Variants in SND1 observed in about 807,000 individuals in gnomAD.
SND1 encodes staphylococcal nuclease and tudor domain containing 1, also known as staphylococcal nuclease domain-containing protein 1.
A neutral mutation model predicts 121.7 loss-of-function variants in SND1; 38 were observed. The observed-to-expected ratio is 0.31, with a 90% CI of 0.24 to 0.41. The LOEUF (loss-of-function observed/expected upper bound fraction) is 0.41. Ranked by LOEUF, SND1 falls within the 10% of genes least tolerant of loss-of-function variation. SND1 has a pLI of 1.00. For missense variants in SND1, 868 were observed against 1,184.6 expected (o/e 0.73, Z 3.92); for synonymous variants, 401 against 447.4 (o/e 0.90, Z 1.31).
intron 1 of SND1, among the ~76,000 whole-genome samples, chr7:127,671,753 C>G (rs1175123276): frequency 6.6e-6 from 1 of 152,160 alleles, no homozygotes; most frequent in East Asian, 1.9e-4. Context: ...AAGCCAATAG[C>G]ACTATAACTC....
At chr7:127,888,769 A>T (rs1191773312) in intron 13 of SND1, among the ~76,000 whole-genome samples, 2 of 152,052 alleles carry the variant, frequency 1.3e-5, no homozygotes, top group Non-Finnish European at 2.9e-5. Context: ...AAATATATCC[A>T]TTGTTTAAAC....
chr7:127,917,038 C>T (rs1184371980), intron 14 of SND1, among the ~76,000 whole-genome samples: 3 of 152,186 alleles, frequency 2.0e-5, no homozygotes, highest in African/African-American at 7.2e-5. Flanking sequence ...ATGTGAGATC[C>T]TTAACTGAAC....
chr7:127,656,460 T>C (rs1165691680), intron 1 of SND1, among the ~76,000 whole-genome samples: 1 of 151,960 alleles, frequency 6.6e-6, no homozygotes, highest in Non-Finnish European at 1.5e-5. Flanking sequence ...GTAGCTGGGA[T>C]TACAGGCGCG....
At chr7:128,035,333 C>T (rs893460438) in intron 16 of SND1, among the ~76,000 whole-genome samples, 2 of 152,322 alleles carry the variant, frequency 1.3e-5, no homozygotes, top group Non-Finnish European at 2.9e-5. Flanking sequence ...GTAGCCAAGT[C>T]TTGGAAATGG....
At chr7:127,744,856 T>C (rs1796949207) in intron 10 of SND1, among the ~76,000 whole-genome samples, 1 of 152,204 alleles carries the variant, frequency 6.6e-6, no homozygotes, top group African/African-American at 2.4e-5. Context: ...CCTGAATGTT[T>C]AGATTGCTGC....
intron 11 of SND1, among the ~76,000 whole-genome samples, chr7:127,829,027 A>T (rs1382638045): frequency 6.6e-6 from 1 of 152,186 alleles, no homozygotes; most frequent in Non-Finnish European, 1.5e-5. Context: ...ACCACAGGTG[A>T]TGCATCAGGG....
intron 15 of SND1, among the ~76,000 whole-genome samples, chr7:127,958,161 C>G (rs570904976): frequency 6.6e-6 from 1 of 152,296 alleles, no homozygotes; most frequent in South Asian, 2.1e-4. Flanking sequence ...ATAGGGCCAA[C>G]CCAGATCCAA....
Position 127,686,594 on chromosome 7 carries a change from C to T in SND1, c.79-19C>T. On this transcript the variant is annotated intron_variant, in intron 1 of 23. Coordinates refer to ENST00000354725, the MANE Select transcript of SND1 (RefSeq NM_014390.4). ...ACGGCCTCTGGACCATTCATTTTCT[C>T]TTTCTTCCCCCTACGTAGGTCCTCT... 6.2e-7 allele frequency: 1 copy of T among 1,609,728 alleles called. No individual in the cohort carries two copies. Among genetic ancestry groups the T allele is most frequent in the Non-Finnish European group, 8.5e-7 (1 of 1,176,958 alleles).
intron 11 of SND1, among the ~76,000 whole-genome samples, chr7:127,840,125 T>G (rs1313719355): frequency 6.6e-6 from 1 of 152,226 alleles, no homozygotes; most frequent in Non-Finnish European, 1.5e-5. Context: ...AGACATGGTC[T>G]CCCCACTCTT....
At chr7:127,758,786 GCT>G (rs1797244654) in intron 10 of SND1, among the ~76,000 whole-genome samples, 1 of 152,138 alleles carries the variant, frequency 6.6e-6, no homozygotes, top group Admixed American at 6.6e-5. Flanking sequence ...AGGCACGGTG[GCT>G]CATGCCTGTG....
In SND1 at chr7:128,015,747, T is replaced by C. The variant is rs1803211168; in HGVS notation, c.1779+24691T>C. 6.6e-6 allele frequency among the ~76,000 whole-genome samples: 1 copy of C among 152,148 alleles called. No individual in the cohort carries two copies. ...GCAGCCCCAGGACACCACTCTGCCT[T>C]TCCCCATTGCTGGCTTCTTGGTGAG... is the stretch of plus-strand genomic sequence containing the variant. On this transcript the variant is annotated intron_variant, in intron 16 of 23. Transcript: ENST00000354725. This position sits in a 1 kb window ranked among gnomAD's most constrained non-coding sequence, Gnocchi z 4.5.
intron 10 of SND1, among the ~76,000 whole-genome samples, chr7:127,762,833 G>T (rs953044239): frequency 6.6e-6 from 1 of 152,178 alleles, no homozygotes; most frequent in African/African-American, 2.4e-5. Flanking sequence ...TATTTTTAAG[G>T]AATAATTGTA....
intron 9 of SND1, among the ~76,000 whole-genome samples, chr7:127,708,099 A>G (rs1244459079): frequency 1.3e-5 from 2 of 152,162 alleles, no homozygotes; most frequent in Non-Finnish European, 2.9e-5. Context: ...TTGGTCTAGT[A>G]TTCAGTAAAT....
intron 16 of SND1, among the ~76,000 whole-genome samples, chr7:128,035,470 A>G (rs1792731474): frequency 6.6e-6 from 1 of 152,260 alleles, no homozygotes. Flanking sequence ...GTTAAACTAA[A>G]GTGGACCTTG....
chr7:127,992,151 G>C (rs1802537274), intron 16 of SND1, among the ~76,000 whole-genome samples: 1 of 152,140 alleles, frequency 6.6e-6, no homozygotes, highest in South Asian at 2.1e-4. Flanking sequence ...TACAATGATT[G>C]GGGGATTGGG....
rs1396572894 is a variant in SND1, at chr7:127,778,389, G to A, written c.1153-29095G>A. Reference sequence around the variant, plus strand: ...ACTTTTCATATTTTTAGTAGAGACAGGGTTTCACCATTTTGGCCAGGATGG... The same window carrying A: ...ACTTTTCATATTTTTAGTAGAGACAAGGTTTCACCATTTTGGCCAGGATGG... On this transcript the variant is annotated intron_variant, in intron 10 of 23. Coordinates refer to ENST00000354725, the MANE Select transcript of SND1 (RefSeq NM_014390.4). Among the ~76,000 whole-genome samples the A allele has an allele frequency of 3.9e-5, 6 of 152,012 alleles. No homozygotes were observed. The East Asian group carries it at 1.2e-3, about 29-fold the overall frequency.
At chr7:127,731,914 AT>A (rs1796683444) in intron 10 of SND1, among the ~76,000 whole-genome samples, 1 of 152,208 alleles carries the variant, frequency 6.6e-6, no homozygotes, top group Non-Finnish European at 1.5e-5. Flanking sequence ...ATAAAATCCT[AT>A]AACCTTTCAT....
intron 10 of SND1, among the ~76,000 whole-genome samples, chr7:127,770,205 A>G (rs1308516456): frequency 6.6e-6 from 1 of 152,220 alleles, no homozygotes; most frequent in African/African-American, 2.4e-5. Context: ...ATTTTTCAGT[A>G]TCATGTTAGC....
intron 10 of SND1, among the ~76,000 whole-genome samples, chr7:127,752,609 T>G (rs189471616): frequency 6.6e-5 from 10 of 152,316 alleles, no homozygotes; most frequent in Non-Finnish European, 1.2e-4. Context: ...GGCCAAATGA[T>G]AAATATGTAA....
Sources: gnomAD v4.1 joint callset for allele counts (sites outside exome capture counted in the v4.1 genomes callset) on GRCh38, gnomAD v4.1.1 for gene constraint, Gnocchi (gnomAD v3.1) non-coding constraint, MANE v1.5 for transcripts, NCBI Gene and HGNC (gene_info 2026-07-23, HGNC 2026-07-21) for gene names.